DOCK8: variants seen among roughly 807,000 people sequenced by gnomAD.
DOCK8 encodes dedicator of cytokinesis 8.
DOCK8 carries 141 observed loss-of-function variants against 245.6 expected under a neutral mutation model. The ratio of observed to expected loss-of-function variants is 0.57; its 90% CI spans 0.50 to 0.66. DOCK8 has a LOEUF of 0.66. DOCK8 is among the 30% of genes least tolerant of loss of function. The pLI, the probability that DOCK8 is intolerant of heterozygous loss-of-function variation, is 0.00. For missense variants in DOCK8, 2,965 were observed against 2,603.4 expected, an observed-to-expected ratio of 1.14 and a Z score of -3.02; for synonymous variants, 1,168 against 970.2, an observed-to-expected ratio of 1.20 and a Z score of -3.79.
chr9:399,241 C>G lies in DOCK8; in HGVS notation c.3216C>G (p.Ile1072Met), dbSNP rs370250940. The stretch of plus-strand genomic sequence containing the variant: ...ATCGGGGCTTTGTGTTTAACCTCAT[C>G]AGACATTATTGCAGCCAGGTGAGTG... ...LMDRGFVFNLIRHYCSQLSAK... is the reference protein window; with the variant it reads ...LMDRGFVFNLMRHYCSQLSAK... Residue 1072 changes from isoleucine (I) to methionine (M), a missense_variant, in exon 26 of 48, where the codon ATC becomes ATG. By Grantham distance (10) the Ile-to-Met change is conservative. This residue lies in a region of DOCK8 where 2,825 missense variants were observed against 2,453.5 expected (regional missense o/e 1.15). Coordinates refer to ENST00000432829, the MANE Select transcript of DOCK8 (RefSeq NM_203447.4). 74 of 1,613,674 alleles carry G rather than the reference C, an allele frequency of 4.6e-5. No individual in the cohort carries two copies. In the African/African-American group the frequency reaches 5.7e-4, roughly 13 times the overall value.
chr9:316,936 A>G, intron 6 of DOCK8, 107 bp from the exon 7 acceptor site: 1 of 887,322 alleles, frequency 1.1e-6, no homozygotes, highest in Non-Finnish European at 1.9e-6. Flanking sequence ...AAGCAAATCT[A>G]AGTTAACTTG....
At chr9:281,187 G>C (rs928415599) in intron 2 of DOCK8, among the ~76,000 whole-genome samples, 1 of 152,076 alleles carries the variant, frequency 6.6e-6, no homozygotes, top group Non-Finnish European at 1.5e-5. Flanking sequence ...CCAGGAGGTG[G>C]AGGTTGCAGT....
At chr9:234,700 G>T (rs1294588243) in intron 1 of DOCK8, among the ~76,000 whole-genome samples, 1 of 152,104 alleles carries the variant, frequency 6.6e-6, no homozygotes, top group East Asian at 1.9e-4. Flanking sequence ...GGCTACTGAG[G>T]CTTCTGCATT....
chr9:461,284 C>G (rs1218691125), intron 46 of DOCK8, among the ~76,000 whole-genome samples: 1 of 152,082 alleles, frequency 6.6e-6, no homozygotes, highest in East Asian at 1.9e-4. Context: ...AGAAAATTAC[C>G]AGCTGTTATC....
intron 24 of DOCK8, among the ~76,000 whole-genome samples, chr9:390,815 C>G (rs2054159372): frequency 6.6e-6 from 1 of 152,204 alleles, no homozygotes; most frequent in Admixed American, 6.5e-5. Flanking sequence ...ACCATCATCT[C>G]TCATGTGCCT....
chr9:273,276 T>C (rs2048217541), intron 2 of DOCK8, among the ~76,000 whole-genome samples: 1 of 152,210 alleles, frequency 6.6e-6, no homozygotes, highest in African/African-American at 2.4e-5. Flanking sequence ...ACTGGCCTTT[T>C]TATTTGTACT....
intron 14 of DOCK8, among the ~76,000 whole-genome samples, chr9:359,957 A>G (rs1349229279): frequency 6.6e-6 from 1 of 152,206 alleles, no homozygotes; most frequent in Non-Finnish European, 1.5e-5. Flanking sequence ...TTGGTGTTGT[A>G]TCAGAATTGC....
At chr9:356,631 C>G (rs2052462569) in intron 14 of DOCK8, among the ~76,000 whole-genome samples, 1 of 152,102 alleles carries the variant, frequency 6.6e-6, no homozygotes, top group African/African-American at 2.4e-5. Flanking sequence ...TTCCCCAAAG[C>G]AGTGCTTCCT....
chr9:350,457 G>A (rs1201671476), intron 14 of DOCK8, among the ~76,000 whole-genome samples: 1 of 152,154 alleles, frequency 6.6e-6, no homozygotes, highest in Non-Finnish European at 1.5e-5. Flanking sequence ...AATGGCTGCT[G>A]AACTAGATTC....
At chr9:221,080 G>A (rs2046871886) in intron 1 of DOCK8, among the ~76,000 whole-genome samples, 1 of 151,992 alleles carries the variant, frequency 6.6e-6, no homozygotes, top group South Asian at 2.1e-4. Flanking sequence ...CAACAGTGGG[G>A]GTATAGACGA....
At chr9:250,769 C>T (rs887356627) in intron 1 of DOCK8, among the ~76,000 whole-genome samples, 4 of 152,214 alleles carry the variant, frequency 2.6e-5, no homozygotes, top group Non-Finnish European at 2.9e-5. Context: ...TCAACACTGC[C>T]TGATGCAGCC....
chr9:409,138 G>C (rs2055587987), intron 28 of DOCK8, among the ~76,000 whole-genome samples: 1 of 151,694 alleles, frequency 6.6e-6, no homozygotes, highest in Admixed American at 6.6e-5. Context: ...CAAGACAGTT[G>C]GTAGACTTGC....
At chr9:365,181 A>C (rs2052922875) in intron 14 of DOCK8, among the ~76,000 whole-genome samples, 1 of 152,218 alleles carries the variant, frequency 6.6e-6, no homozygotes, top group African/African-American at 2.4e-5. Flanking sequence ...TTTTTGAAAA[A>C]TCCTTCTGAC....
At chr9:463,433 A>G in intron 46 of DOCK8, 84 bp from the exon 47 acceptor site, 1 of 1,556,416 alleles carries the variant, frequency 6.4e-7, no homozygotes, top group Non-Finnish European at 8.8e-7. Context: ...AGTTATTCGA[A>G]AAATCGTAAG....
chr9:394,524 T>A (rs2131379126), intron 24 of DOCK8, among the ~76,000 whole-genome samples: 2 of 152,376 alleles, frequency 1.3e-5, no homozygotes, highest in African/African-American at 4.8e-5. Flanking sequence ...GTTGTGTCAG[T>A]GCCCAAGCGC....
intron 44 of DOCK8, among the ~76,000 whole-genome samples, chr9:447,616 A>C (rs1035548466): frequency 1.3e-5 from 2 of 152,230 alleles, no homozygotes; most frequent in African/African-American, 4.8e-5. Context: ...CTTGGTTTTC[A>C]TAGAAAGAAA....
intron 47 of DOCK8, 33 bp downstream of exon 47, chr9:463,720 G>A (rs1432694925): frequency 1.2e-6 from 2 of 1,612,994 alleles, no homozygotes; most frequent in Non-Finnish European, 1.7e-6. Flanking sequence ...CTCTTCCTGT[G>A]GGATAAAGAG....
chr9:223,836 T>A (rs2046933892), intron 1 of DOCK8, among the ~76,000 whole-genome samples: 1 of 152,082 alleles, frequency 6.6e-6, no homozygotes, highest in Admixed American at 6.6e-5. Flanking sequence ...CTGTTGCCCA[T>A]TTCTGTTCTC....
At chr9:297,118 A>T (rs1397984658) in intron 4 of DOCK8, among the ~76,000 whole-genome samples, 2 of 152,186 alleles carry the variant, frequency 1.3e-5, no homozygotes, top group East Asian at 3.9e-4. Flanking sequence ...AAGGGAAAGG[A>T]GAAAGAAGAT....
Sources: gnomAD v4.1 joint callset for allele counts (sites outside exome capture counted in the v4.1 genomes callset) on GRCh38, gnomAD v4.1.1 for gene constraint, gnomAD v4.1.1 regional missense constraint, MANE v1.5 for transcripts, NCBI Gene and HGNC (gene_info 2026-07-23, HGNC 2026-07-21) for gene names.